The following NOS2 variants were observed in gnomAD, a reference collection of about 807,000 sequenced individuals.
The protein encoded by NOS2 is nitric oxide synthase 2.
In NOS2, 96 loss-of-function variants were observed where a neutral mutation model predicts 136.0. The observed-to-expected ratio is 0.71, with a 90% CI of 0.60 to 0.84. NOS2 has a LOEUF of 0.84. Among genes scored for constraint, NOS2 ranks in the 40% least tolerant of loss-of-function variants. NOS2 has a pLI of 0.00. For missense variants in NOS2, 1,237 were observed against 1,496.9 expected, an observed-to-expected ratio of 0.83 and a Z score of 2.87; for synonymous variants, 539 against 587.5, an observed-to-expected ratio of 0.92 and a Z score of 1.20.
Position 27,771,865 on chromosome 17 carries a change from G to A in NOS2, c.1704+443C>T, listed in dbSNP as rs1908506572. Reference sequence around the variant, plus strand: ...AGAGCCCGGGGCTGGTCCAGCACGTGGCCACCATTCCCTAAGAGTTGGATT... The same window carrying A: ...AGAGCCCGGGGCTGGTCCAGCACGTAGCCACCATTCCCTAAGAGTTGGATT... On this transcript the variant is annotated intron_variant, in intron 14 of 26. Transcript: ENST00000313735. Among the ~76,000 whole-genome samples the A allele has an allele frequency of 3.3e-5, 5 of 152,350 alleles. No homozygotes were observed. In the South Asian group the frequency reaches 1.0e-3, roughly 32 times the overall value.
At chr17:27,758,281 C>A (rs747716326) in intron 26 of NOS2, among the ~76,000 whole-genome samples, 1 of 152,188 alleles carries the variant, frequency 6.6e-6, no homozygotes, top group Non-Finnish European at 1.5e-5. Flanking sequence ...TAGGCTCTCA[C>A]ATTTACTGCT....
Position 27,760,605 on chromosome 17 carries a change from G to T in NOS2, c.3010+18C>A. 7 of 1,552,274 alleles carry T rather than the reference G, an allele frequency of 4.5e-6. No individual in the cohort carries two copies. The highest frequency in any genetic ancestry group is 6.1e-6 in the Non-Finnish European group (7 of 1,147,534). The stretch of plus-strand genomic sequence containing the variant: ...GGCCCCCTGGTGCCCCTCCCACCTG[G>T]GAAGCCTCCAGCCTTACCCTTGTGC... On this transcript the variant is annotated intron_variant, in intron 24 of 26. Coordinates refer to ENST00000313735, the MANE Select transcript of NOS2 (RefSeq NM_000625.4).
At chr17:27,758,668 A>C (rs563145807) in intron 26 of NOS2, among the ~76,000 whole-genome samples, 23 of 151,816 alleles carry the variant, frequency 1.5e-4, no homozygotes, top group Admixed American at 2.6e-4. Flanking sequence ...GAACACATTC[A>C]CCCGACTTCT....
chr17:27,791,809 A>G (rs1909203246), intron 2 of NOS2, among the ~76,000 whole-genome samples: 1 of 151,278 alleles, frequency 6.6e-6, no homozygotes, highest in South Asian at 2.1e-4. Context: ...AAACAAAAAT[A>G]TATATATATA....
intron 5 of NOS2, among the ~76,000 whole-genome samples, chr17:27,783,803 C>G (rs144520639): frequency 2.0e-5 from 3 of 152,326 alleles, no homozygotes; most frequent in African/African-American, 7.2e-5. Flanking sequence ...TGATGCCAAG[C>G]CCAGGTTCTT....
Position 27,760,720 on chromosome 17 carries a change from C to G in NOS2, c.2913G>C (p.Glu971Asp), listed in dbSNP as rs768716650. The G allele has an allele frequency of 4.9e-5, 76 of 1,549,942 alleles. No homozygotes were observed. Among genetic ancestry groups the G allele is most frequent in the Admixed American group, 2.0e-5 (1 of 50,978 alleles). Residue 971 changes from glutamate to aspartate, a missense_variant, in exon 24 of 27, where the codon GAG (glutamate) becomes GAC (aspartate). Physicochemically the swap from Glu to Asp is conservative, Grantham distance 45. Coordinates refer to ENST00000313735, the MANE Select transcript of NOS2 (RefSeq NM_000625.4). ...TGAGGATGCAAGGATGGGAGGGATC[C>G]TCGGGGAGGTGGAAGCCGCTGGCAC... The part of the protein sequence containing the change: ...VRNASGFHLP[E>D]DPSHPCILIG...
At chr17:27,773,374 C>T (rs1024085380) in intron 12 of NOS2, 131 bp from the exon 13 acceptor site, 66 of 675,354 alleles carry the variant, frequency 9.8e-5, no homozygotes, top group Admixed American at 8.3e-4. Flanking sequence ...GCGCCCCACC[C>T]CTGTCACTGA....
rs1319818382 is a variant in NOS2 at position 27,762,897 on chromosome 17, G to A, written c.2701C>T (p.Pro901Ser). 6.3e-7 allele frequency: 1 copy of A among 1,599,978 alleles called. No homozygotes were observed. Among genetic ancestry groups the A allele is most frequent in the Non-Finnish European group, 8.5e-7 (1 of 1,174,166 alleles). Residue 901 changes from proline (P) to serine (S), a missense_variant, in exon 22 of 27, where the codon CCC (proline) becomes TCC (serine). Around this residue, in one of 3 missense-constraint regions of NOS2, gnomAD observed 782 missense variants for 909.9 expected, o/e 0.86. Coordinates refer to ENST00000313735, the MANE Select transcript of NOS2 (RefSeq NM_000625.4). ...VSAGFLLSQL[P>S]ILKPRFYSIS... ...GAGTAGAACCTGGGCTTCAGAATGG[G>A]GAGCTGGGAAAGCAGGAAGCCAGCA...
intron 25 of NOS2, 41 bp from the exon 26 acceptor site, chr17:27,759,116 C>T: frequency 7.0e-7 from 1 of 1,432,142 alleles, no homozygotes; most frequent in Non-Finnish European, 9.3e-7. Context: ...CTCAGCTGCT[C>T]AGGACAAGGC....
intron 21 of NOS2, 73 bp from the exon 22 acceptor site, chr17:27,763,078 TATTC>T (rs748094544): frequency 1.0e-4 from 98 of 971,348 alleles, no homozygotes; most frequent in Admixed American, 1.3e-4. Context: ...CACAACCCAG[TATTC>T]ATTCATTCAT....
chr17:27,766,266 G>T lies in NOS2; in HGVS notation c.2246+244C>A, dbSNP rs140871504. Among the ~76,000 whole-genome samples, 175 of 152,334 alleles carry T rather than the reference G, an allele frequency of 1.1e-3. 1 individual carries two copies. The highest frequency in any genetic ancestry group is 3.8e-3 in the African/African-American group (160 of 41,572). ...TTTAGTGAAAGAGTTCAATGAGGAA[G>T]GAGAGGAAGTGGAGCAGATGCTTAG... On this transcript the variant is annotated intron_variant, in intron 19 of 26. Coordinates refer to ENST00000313735, the MANE Select transcript of NOS2 (RefSeq NM_000625.4).
intron 11 of NOS2, among the ~76,000 whole-genome samples, chr17:27,775,349 G>A (rs1283154933): frequency 1.3e-5 from 2 of 152,138 alleles, no homozygotes; most frequent in Non-Finnish European, 2.9e-5. Context: ...TATAATCCCA[G>A]CACTTTGGGA....
Position 27,788,851 on chromosome 17 carries a change from G to GTTT in NOS2, c.275_276insAAA (p.Ser92delinsArgAsn). On this transcript the variant is annotated protein_altering_variant, in exon 4 of 27. Coordinates refer to ENST00000313735, the MANE Select transcript of NOS2 (RefSeq NM_000625.4). ...GAAGTGTGTCTTGGAAAGTCATCCC[G>GTTT]CTGCCCCAGTTTTTGATCCTCACAT... 2 of 1,614,110 alleles carry GTTT rather than the reference G, an allele frequency of 1.2e-6. No homozygotes were observed. The highest frequency in any genetic ancestry group is 3.3e-5 in the Admixed American group (2 of 60,024).
intron 2 of NOS2, among the ~76,000 whole-genome samples, chr17:27,790,575 C>T (rs1303987140): frequency 6.6e-6 from 1 of 152,192 alleles, no homozygotes; most frequent in African/African-American, 2.4e-5. Flanking sequence ...GATCAATCCA[C>T]GGCCGATCTT....
Position 27,768,986 on chromosome 17 carries a change from T to G in NOS2, c.2025A>C (p.Gln675His), listed in dbSNP as rs1172646310. Reference protein sequence around the residue: ...QEDAFRSWAVQTFKAACETFD... With the variant: ...QEDAFRSWAVHTFKAACETFD... ...CTGGCTGGGAACTGACCTTGAAGGTTTGCACGGCCCAGCTGCGGAAGGCGT... is the reference window on the plus strand; with the variant it reads ...CTGGCTGGGAACTGACCTTGAAGGTGTGCACGGCCCAGCTGCGGAAGGCGT... The change falls in exon 17 of 27, where the codon CAA becomes CAC. Residue 675 changes from glutamine (Q) to histidine (H), a missense_variant. Transcript: ENST00000313735. 6.2e-7 allele frequency: 1 copy of G among 1,605,266 alleles called. No individual in the cohort carries two copies. The highest frequency in any genetic ancestry group is 1.7e-5 in the Admixed American group (1 of 59,434).
chr17:27,789,291 T>C (rs1909117766), intron 3 of NOS2, among the ~76,000 whole-genome samples: 1 of 152,180 alleles, frequency 6.6e-6, no homozygotes, highest in Non-Finnish European at 1.5e-5. Context: ...TAAGGACATA[T>C]AAGCCACCCT....
Position 27,779,068 on chromosome 17 carries a change from G to A in NOS2, c.1005-12C>T. The A allele has an allele frequency of 6.8e-7, 1 of 1,462,480 alleles. No individual in the cohort carries two copies. The highest frequency in any genetic ancestry group is 9.1e-7 in the Non-Finnish European group (1 of 1,103,424). 90.6% of individuals were successfully genotyped at this position (1,462,480 alleles called of 1,614,324 possible). ...GAAACCACTCGTATCTGGCAAAAAG[G>A]TAGACACAATTTAACTGGGGCCTTC... On this transcript the variant is annotated splice_polypyrimidine_tract_variant and intron_variant, in intron 9 of 26. Transcript: ENST00000313735.
chr17:27,765,800 A>T, intron 19 of NOS2, 84 bp from the exon 20 acceptor site: 1 of 1,373,416 alleles, frequency 7.3e-7, no homozygotes, highest in Non-Finnish European at 9.8e-7. Context: ...TCCCCAGGAA[A>T]TGTGCCCTCC....
chr17:27,778,899 G>T lies in NOS2; in HGVS notation c.1162C>A (p.Arg388Ser). Reference sequence around the variant, plus strand: ...TGGGTTACCTCCAGGATGTTGTAGCGCTGGACGTCACAGAAGTCCCGGACT... The same window carrying T: ...TGGGTTACCTCCAGGATGTTGTAGCTCTGGACGTCACAGAAGTCCCGGACT... ...IGVRDFCDVQ[R>S]YNILEEVGRR... The change falls in exon 10 of 27, where the codon CGC becomes AGC. Residue 388 changes from arginine to serine, a missense_variant. Arg to Ser is a moderately radical substitution (Grantham distance 110, BLOSUM62 -1). Coordinates refer to ENST00000313735, the MANE Select transcript of NOS2 (RefSeq NM_000625.4). 1 of 1,608,612 alleles carries T rather than the reference G, an allele frequency of 6.2e-7. No homozygotes were observed. Among genetic ancestry groups the T allele is most frequent in the Non-Finnish European group, 8.5e-7 (1 of 1,175,908 alleles).
Sources: gnomAD v4.1 joint callset for allele counts (sites outside exome capture counted in the v4.1 genomes callset) on GRCh38, gnomAD v4.1.1 for gene constraint, gnomAD v4.1.1 regional missense constraint, MANE v1.5 for transcripts, NCBI Gene and HGNC (gene_info 2026-07-23, HGNC 2026-07-21) for gene names.